The following CDIN1 variants were observed in gnomAD, a reference collection of about 807,000 sequenced individuals.
CDIN1 encodes CDAN1 interacting nuclease 1, also known as CDAN1-interacting nuclease 1.
CDIN1 carries 33 observed loss-of-function variants against 45.3 expected under a neutral mutation model. That is an observed-to-expected ratio of 0.73 (90% CI 0.55 to 0.97). The LOEUF is 0.97. Among genes scored for constraint, CDIN1 ranks in the 50% least tolerant of loss-of-function variants. The probability of loss-of-function intolerance (pLI) is 0.00; values close to 1 mark genes in which losing one functional copy is unlikely to be tolerated. For synonymous variants in CDIN1, 118 were observed against 124.4 expected, an observed-to-expected ratio of 0.95 and a Z score of 0.34; for missense variants, 303 against 339.4, an observed-to-expected ratio of 0.89 and a Z score of 0.84.
At chr15:36,687,987 CAA>C (rs2042119073) in intron 5 of CDIN1, among the ~76,000 whole-genome samples, 1 of 151,722 alleles carries the variant, frequency 6.6e-6, no homozygotes, top group Non-Finnish European at 1.5e-5. Flanking sequence ...TGAATGATAA[CAA>C]AATTGTGGCA....
chr15:36,617,012 T>G lies in CDIN1; in HGVS notation c.102-27266T>G, dbSNP rs145265738. On this transcript the variant is annotated intron_variant, in intron 1 of 10. Transcript: ENST00000566621. ...CAGAACAAAAACTTATTTAAAAAAT[T>G]TATTCTGTTGGGGCACGGGCCTGTG... is the stretch of plus-strand genomic sequence containing the variant. 17 of 682,062 alleles carry G rather than the reference T, an allele frequency of 2.5e-5. No individual in the cohort carries two copies. In the East Asian group the frequency reaches 3.7e-4, roughly 15 times the overall value. The allele number at this position is 682,062 out of a possible 1,614,324, so 42.3% of individuals were successfully genotyped here.
intron 8 of CDIN1, among the ~76,000 whole-genome samples, 177 bp downstream of exon 8, chr15:36,697,567 A>G (rs1451674273): frequency 6.6e-6 from 1 of 152,244 alleles, no homozygotes; most frequent in Non-Finnish European, 1.5e-5. Context: ...TATACAGCAC[A>G]TGCACAAGCT....
chr15:36,772,964 T>C (rs1008482021), intron 10 of CDIN1, among the ~76,000 whole-genome samples: 10 of 152,300 alleles, frequency 6.6e-5, no homozygotes, highest in African/African-American at 2.4e-4. Flanking sequence ...TAATGCTTTG[T>C]TCTCTCCTCC....
intron 6 of CDIN1, 117 bp from the exon 7 acceptor site, chr15:36,692,009 C>CT (rs1006466220): frequency 5.8e-5 from 34 of 590,942 alleles, no homozygotes; most frequent in Middle Eastern, 4.7e-4. Flanking sequence ...TGATAGCTTT[C>CT]TTTTTTTGGG....
intron 8 of CDIN1, chr15:36,702,031 G>A: frequency 1.4e-6 from 1 of 702,006 alleles, no homozygotes; most frequent in South Asian, 1.5e-5. Context: ...AGGACAGGCA[G>A]CAGGAGCAGA....
In CDIN1 at chr15:36,616,472, G is replaced by A. The variant is rs1023276300; in HGVS notation, c.102-27806G>A. Among the ~76,000 whole-genome samples, 72 of 152,088 alleles carry A rather than the reference G, an allele frequency of 4.7e-4. 1 individual carries two copies. Among genetic ancestry groups the A allele is most frequent in the African/African-American group, 1.7e-3 (70 of 41,504 alleles). Reference sequence around the variant, plus strand: ...TAATTTTGTATTTTTAGTAGAGACGGAGTTTCTTCATGTTGGTCAGGCTGG... The same window carrying A: ...TAATTTTGTATTTTTAGTAGAGACGAAGTTTCTTCATGTTGGTCAGGCTGG... On this transcript the variant is annotated intron_variant, in intron 1 of 10. Coordinates refer to ENST00000566621, the MANE Select transcript of CDIN1 (RefSeq NM_001321759.2).
At chr15:36,689,546 C>G (rs992050373) in intron 5 of CDIN1, among the ~76,000 whole-genome samples, 2 of 152,270 alleles carry the variant, frequency 1.3e-5, no homozygotes, top group Admixed American at 6.5e-5. Context: ...CTGCCATTAC[C>G]ATGTGGTGAC....
intron 7 of CDIN1, among the ~76,000 whole-genome samples, chr15:36,693,445 G>A (rs1053250936): frequency 2.0e-5 from 3 of 152,108 alleles, no homozygotes; most frequent in African/African-American, 4.8e-5. Flanking sequence ...CCAACCTTAT[G>A]TTGCTAACAC....
At chr15:36,700,700 CTT>C in intron 8 of CDIN1, among the ~76,000 whole-genome samples, 1 of 146,112 alleles carries the variant, frequency 6.8e-6, no homozygotes, top group South Asian at 2.2e-4. Context: ...AAGAACCAAA[CTT>C]TTTTTTTTTA....
intron 8 of CDIN1, among the ~76,000 whole-genome samples, chr15:36,700,193 TTTTGTTGTGTTCTCTGCATGCCA>T (rs909487250): frequency 1.3e-5 from 2 of 152,164 alleles, no homozygotes; most frequent in Non-Finnish European, 2.9e-5. Flanking sequence ...TTCAATTAAC[TTTTGTTGTGTTCTCTGCATGCCA>T]GGAACTACAC....
intron 5 of CDIN1, among the ~76,000 whole-genome samples, chr15:36,686,275 T>C (rs1301200295): frequency 6.7e-6 from 1 of 150,370 alleles, no homozygotes; most frequent in African/African-American, 2.4e-5. Flanking sequence ...ATGGATGAAA[T>C]TGGAAATCAT....
At chr15:36,712,226 A>G (rs2043077760) in intron 10 of CDIN1, among the ~76,000 whole-genome samples, 1 of 150,508 alleles carries the variant, frequency 6.6e-6, no homozygotes, top group Admixed American at 6.6e-5. Flanking sequence ...GGATTTTACA[A>G]TAAGACTGTT....
chr15:36,771,326 A>G (rs1258877765), intron 10 of CDIN1, among the ~76,000 whole-genome samples: 2 of 152,216 alleles, frequency 1.3e-5, no homozygotes, highest in Non-Finnish European at 2.9e-5. Flanking sequence ...CATTCTGCAC[A>G]TGTATCCCAG....
intron 3 of CDIN1, among the ~76,000 whole-genome samples, chr15:36,651,238 A>C (rs2040566234): frequency 6.6e-6 from 1 of 152,148 alleles, no homozygotes; most frequent in African/African-American, 2.4e-5. Flanking sequence ...GATGTTTGCC[A>C]GGGTTGGATG....
intron 1 of CDIN1, among the ~76,000 whole-genome samples, chr15:36,637,259 A>C (rs1207362589): frequency 1.3e-5 from 2 of 152,258 alleles, no homozygotes; most frequent in Admixed American, 1.3e-4. Context: ...GGTAAATCAT[A>C]CACCTAAACG....
At chr15:36,643,803 A>G (rs1299131970) in intron 1 of CDIN1, among the ~76,000 whole-genome samples, 3 of 152,184 alleles carry the variant, frequency 2.0e-5, no homozygotes, top group Non-Finnish European at 2.9e-5. Context: ...TGCTACTTCT[A>G]GTAAAGACCA....
chr15:36,644,514 G>A (rs1327533421), intron 2 of CDIN1, among the ~76,000 whole-genome samples, 191 bp downstream of exon 2: 2 of 151,888 alleles, frequency 1.3e-5, no homozygotes, highest in Non-Finnish European at 2.9e-5. Context: ...ATAACATCTA[G>A]CCTTTGCTTA....
chr15:36,672,492 A>G (rs573234056), intron 5 of CDIN1, among the ~76,000 whole-genome samples: 1 of 152,182 alleles, frequency 6.6e-6, no homozygotes, highest in East Asian at 1.9e-4. Context: ...TCATACACAT[A>G]TAAAGAAATC....
intron 1 of CDIN1, chr15:36,614,081 G>C (rs1566833899): frequency 1.1e-6 from 1 of 908,436 alleles, no homozygotes; most frequent in Non-Finnish European, 1.8e-6. Flanking sequence ...TGCTGAGTTT[G>C]CTGAGAGATC....
Sources: allele counts gnomAD v4.1 joint callset (sites outside exome capture counted in the v4.1 genomes callset), GRCh38; gene constraint gnomAD v4.1.1; transcripts MANE v1.5; gene names NCBI Gene and HGNC (gene_info 2026-07-23, HGNC 2026-07-21).